CUL4B: variants seen among roughly 807,000 people sequenced by gnomAD.
The protein encoded by CUL4B is cullin 4B.
CUL4B carries 1 observed loss-of-function variant against 69.2 expected under a neutral mutation model. The observed-to-expected ratio is 0.01, with a 90% confidence interval of 0.01 to 0.07. The LOEUF (loss-of-function observed/expected upper bound fraction) is 0.07, where lower values mean the gene tolerates loss of function less well. CUL4B is among the 10% of genes least tolerant of loss of function. The pLI, the probability that CUL4B is intolerant of heterozygous loss-of-function variation, is 1.00. For synonymous variants in CUL4B, 237 were observed against 223.2 expected, an observed-to-expected ratio of 1.06 and a Z score of -0.55; for missense variants, 328 against 638.8, an observed-to-expected ratio of 0.51 and a Z score of 5.24.
intron 1 of CUL4B, among the ~76,000 whole-genome samples, chrX:120,558,834 T>C (rs1422491981): frequency 1.8e-5 from 2 of 111,813 alleles, no homozygotes; most frequent in African/African-American, 6.5e-5. Context: ...AAAAAATCTC[T>C]GAAACCAATT....
chrX:120,548,605 G>A (rs1924482461), intron 2 of CUL4B, among the ~76,000 whole-genome samples: 1 of 110,845 alleles, frequency 9.0e-6, no homozygotes, highest in African/African-American at 3.3e-5. Context: ...AGGCTGAGGC[G>A]GGTGGATCAC....
Position 120,532,534 on chromosome X carries a change from G to A in CUL4B, c.2327C>T (p.Ala776Val), listed in dbSNP as rs773655024. The A allele has an allele frequency of 2.2e-5, 26 of 1,206,696 alleles. 1 individual carries two copies. Among genetic ancestry groups the A allele is most frequent in the South Asian group, 1.8e-5 (1 of 56,753 alleles). ...AATGTCTTTGCCCTTTGGATTTTTC[G>A]CCAGAACTCTAGCTTTGCCACAGGC... ...SLACGKARVL[A>V]KNPKGKDIED... The change falls in exon 18 of 20, where the codon GCG (alanine) becomes GTG (valine). Residue 776 changes from alanine to valine, a missense_variant. By Grantham distance (64) the Ala-to-Val change is moderately conservative. This residue lies in a region of CUL4B where 98 missense variants were observed against 296.8 expected (regional missense o/e 0.33). Transcript: ENST00000371322.
In CUL4B at chrX:120,545,526, G is replaced by A; in HGVS notation, c.847-9C>T. The A allele has an allele frequency of 9.1e-7, 1 of 1,099,870 alleles. No homozygotes were observed. The highest frequency in any genetic ancestry group is 1.2e-6 in the Non-Finnish European group (1 of 811,617). The allele number at this position is 1,099,870 out of a possible 1,213,427, so 90.6% of individuals were successfully genotyped here. ...ATGCTCCTGATCATGATCTGCCAATGAAAAAAAAAGAAATCAAACAAGTTT... is the reference window on the plus strand; with the variant it reads ...ATGCTCCTGATCATGATCTGCCAATAAAAAAAAAAGAAATCAAACAAGTTT... On this transcript the variant is annotated splice_polypyrimidine_tract_variant and intron_variant, in intron 4 of 19. Transcript: ENST00000371322.
At chrX:120,542,941 C>CT in intron 9 of CUL4B, 25 bp downstream of exon 9, 2 of 1,128,377 alleles carry the variant, frequency 1.8e-6, no homozygotes, top group Non-Finnish European at 2.4e-6. Context: ...AAAAAGCAAT[C>CT]TCTTATTTAC....
intron 2 of CUL4B, among the ~76,000 whole-genome samples, chrX:120,548,028 A>G (rs1477928577): frequency 9.0e-6 from 1 of 110,523 alleles, no homozygotes; most frequent in African/African-American, 3.3e-5. Context: ...TCCCCTTTAT[A>G]TATATCTCCT....
intron 4 of CUL4B, 25 bp from the exon 5 acceptor site, chrX:120,545,542 A>C (rs1460414937): frequency 1.9e-6 from 2 of 1,077,301 alleles, no homozygotes; most frequent in Non-Finnish European, 2.5e-6. Context: ...AAAAGAAATC[A>C]AACAAGTTTT....
downstream of CUL4B, among the ~76,000 whole-genome samples, chrX:120,570,102 C>G (rs984690147): frequency 1.8e-5 from 2 of 111,913 alleles, no homozygotes; most frequent in African/African-American, 6.5e-5. Flanking sequence ...AAATCTTACT[C>G]AAATACCCTA....
chrX:120,532,612 G>A lies in CUL4B; in HGVS notation c.2267-18C>T. ...TCCATCCTCTGAAGAAGAAACAGAGGTTTAGTTATTTGTTACCAGCATGAA... is the reference window on the plus strand; with the variant it reads ...TCCATCCTCTGAAGAAGAAACAGAGATTTAGTTATTTGTTACCAGCATGAA... On this transcript the variant is annotated intron_variant, in intron 17 of 19. Coordinates refer to ENST00000371322, the MANE Select transcript of CUL4B (RefSeq NM_001079872.2). 1 of 1,184,169 alleles carries A rather than the reference G, an allele frequency of 8.4e-7. No individual in the cohort carries two copies. The highest frequency in any genetic ancestry group is 1.1e-6 in the Non-Finnish European group (1 of 874,908).
intron 2 of CUL4B, among the ~76,000 whole-genome samples, chrX:120,549,316 G>A (rs1028859202): frequency 8.9e-6 from 1 of 112,239 alleles, no homozygotes; most frequent in Non-Finnish European, 1.9e-5. Context: ...CACTTTGGGA[G>A]GCCGAGGCGG....
downstream of CUL4B, among the ~76,000 whole-genome samples, chrX:120,567,872 GA>G (rs747462675): frequency 2.0e-3 from 152 of 76,345 alleles, 2 homozygotes; most frequent in East Asian, 0.03. Flanking sequence ...AGACTCTGAA[GA>G]AAAAAAAAAA....
chrX:120,544,089 T>C (rs370454387), intron 7 of CUL4B, 25 bp downstream of exon 7: 1 of 980,763 alleles, frequency 1.0e-6, no homozygotes, highest in South Asian at 1.9e-5. Context: ...ACAGTGAGAA[T>C]TTATTAGTCA....
chrX:120,543,241 A>T (rs1278090525), intron 8 of CUL4B, among the ~76,000 whole-genome samples: 1 of 111,712 alleles, frequency 9.0e-6, no homozygotes, highest in African/African-American at 3.3e-5. Flanking sequence ...CAAAAATTTT[A>T]AAAAAACACT....
At position 120,574,538 on chromosome X, in the gene CUL4B, T is replaced by A. The variant is rs769389134; in HGVS notation, c.67+13A>T. 7 of 1,189,434 alleles carry A rather than the reference T, an allele frequency of 5.9e-6. No individual in the cohort carries two copies. The East Asian group carries it at 2.1e-4, about 35-fold the overall frequency. On this transcript the variant is annotated intron_variant, in intron 2 of 2. Coordinates refer to the CUL4B transcript ENST00000486604. The stretch of plus-strand genomic sequence containing the variant: ...AGACTTAACTCTTGAGTTTTACTAG[T>A]TCATTTACTCACCACCGTCTTTAGA...
chrX:120,567,712 C>G (rs143339072), downstream of CUL4B, among the ~76,000 whole-genome samples: 188 of 98,608 alleles, frequency 1.9e-3, 1 homozygote, highest in Middle Eastern at 0.015. Context: ...GACCCTGTCT[C>G]TATCGAAAAA....
At chrX:120,541,514 T>G in intron 10 of CUL4B, 88 bp downstream of exon 10, 1 of 678,321 alleles carries the variant, frequency 1.5e-6, no homozygotes, top group South Asian at 2.3e-5. Flanking sequence ...AAAAAAAAAT[T>G]GGATCAAACA....
At chrX:120,559,739 C>T (rs1459222746) in intron 1 of CUL4B, 1 of 1,007,643 alleles carries the variant, frequency 9.9e-7, no homozygotes, top group Admixed American at 3.0e-5. Context: ...TCGCTATGCA[C>T]CTGAAATAAA....
intron 9 of CUL4B, among the ~76,000 whole-genome samples, chrX:120,542,688 T>C (rs1465343316): frequency 8.9e-6 from 1 of 111,793 alleles, no homozygotes; most frequent in Non-Finnish European, 1.9e-5. Flanking sequence ...GAAGCAATCC[T>C]CCTGCCTCAG....
intron 1 of CUL4B, among the ~76,000 whole-genome samples, chrX:120,574,972 C>T (rs1035501928): frequency 8.0e-5 from 9 of 111,901 alleles, no homozygotes; most frequent in African/African-American, 2.9e-4. Flanking sequence ...ACAGATTCCC[C>T]TCAAAGTGTC....
At chrX:120,533,856 A>G (rs1569387538) in intron 17 of CUL4B, among the ~76,000 whole-genome samples, 1 of 110,193 alleles carries the variant, frequency 9.1e-6, no homozygotes. Flanking sequence ...TCACGAGGTC[A>G]GGAGTTCGAG....
Sources: allele counts gnomAD v4.1 joint callset (sites outside exome capture counted in the v4.1 genomes callset), GRCh38; gene constraint gnomAD v4.1.1; regional missense constraint gnomAD v4.1.1; transcripts MANE v1.5; gene names NCBI Gene and HGNC (gene_info 2026-07-23, HGNC 2026-07-21).